The following CACNB2 variants were observed in gnomAD, a reference collection of about 807,000 sequenced individuals.
The protein encoded by CACNB2 is calcium voltage-gated channel auxiliary subunit beta 2.
A neutral mutation model predicts 73.3 loss-of-function variants in CACNB2; 42 were observed. The ratio of observed to expected loss-of-function variants is 0.57; its 90% confidence interval spans 0.45 to 0.74. The LOEUF (loss-of-function observed/expected upper bound fraction) is 0.74. Among genes scored for constraint, CACNB2 ranks in the 30% least tolerant of loss-of-function variants. The probability of loss-of-function intolerance (pLI) is 0.00; values close to 1 mark genes in which losing one functional copy is unlikely to be tolerated. For synonymous variants in CACNB2, 348 were observed against 310.3 expected, an observed-to-expected ratio of 1.12 and a Z score of -1.28; for missense variants, 940 against 853.0, an observed-to-expected ratio of 1.10 and a Z score of -1.27.
intron 10 of CACNB2, among the ~76,000 whole-genome samples, chr10:18,532,676 CAAAAAA>C: frequency 2.2e-5 from 2 of 92,578 alleles, no homozygotes; most frequent in South Asian, 3.4e-4. Flanking sequence ...GACTCTGTCT[CAAAAAA>C]AAAAAAAAAA....
chr10:18,310,906 G>C (rs1260348441), intron 2 of CACNB2, among the ~76,000 whole-genome samples: 2 of 151,660 alleles, frequency 1.3e-5, no homozygotes, highest in Non-Finnish European at 2.9e-5. Context: ...TTTCTGTTTT[G>C]GTTTACAAAC....
At chr10:18,193,266 C>G (rs1358529193) in intron 2 of CACNB2, among the ~76,000 whole-genome samples, 1 of 52,560 alleles carries the variant, frequency 1.9e-5, no homozygotes, top group Admixed American at 2.5e-4. Flanking sequence ...GAGAAAGTGT[C>G]AAGCTTTTTT....
intron 9 of CACNB2, among the ~76,000 whole-genome samples, chr10:18,520,412 A>G (rs1021605649): frequency 6.6e-6 from 1 of 152,034 alleles, no homozygotes; most frequent in Non-Finnish European, 1.5e-5. Context: ...CTCTGCCACC[A>G]TTTTGGTCTG....
chr10:18,175,028 A>G (rs1173857890), intron 2 of CACNB2, among the ~76,000 whole-genome samples: 1 of 152,198 alleles, frequency 6.6e-6, no homozygotes, highest in Non-Finnish European at 1.5e-5. Context: ...CTGTTCTGTT[A>G]GCCACTTTCA....
At chr10:18,245,724 C>A (rs186219658) in intron 2 of CACNB2, among the ~76,000 whole-genome samples, 1 of 152,048 alleles carries the variant, frequency 6.6e-6, no homozygotes, top group Admixed American at 6.6e-5. Context: ...CACCAAGACA[C>A]GAGAAGGTCA....
rs1460644499 is a variant in CACNB2 at position 18,220,239 on chromosome 10, A to G, written c.213+69264A>G. Reference sequence around the variant, plus strand: ...TATATATATATATATATATAGAGAGAGAGAGAGAGAGAGAGAGAGAGAGAG... The same window carrying G: ...TATATATATATATATATATAGAGAGGGAGAGAGAGAGAGAGAGAGAGAGAG... On this transcript the variant is annotated intron_variant, in intron 2 of 13. Coordinates refer to ENST00000324631, the MANE Select transcript of CACNB2 (RefSeq NM_201596.3). Among the ~76,000 whole-genome samples the G allele has an allele frequency of 7.8e-3, 543 of 69,420 alleles. 26 individuals carry two copies. The highest frequency in any genetic ancestry group is 0.032 in the African/African-American group (365 of 11,250). The allele number at this position is 69,420 out of a possible 152,430, so 45.5% of individuals were successfully genotyped here.
chr10:18,489,061 C>G (rs1250821916), intron 3 of CACNB2, among the ~76,000 whole-genome samples: 1 of 151,936 alleles, frequency 6.6e-6, no homozygotes, highest in East Asian at 1.9e-4. Flanking sequence ...CACTTATAAT[C>G]CCAGCACTTT....
intron 3 of CACNB2, among the ~76,000 whole-genome samples, chr10:18,472,177 G>A (rs1162377346): frequency 2.0e-5 from 3 of 148,080 alleles, no homozygotes; most frequent in East Asian, 4.0e-4. Context: ...AAGCATTCTC[G>A]AATAAGGAGT....
intron 2 of CACNB2, among the ~76,000 whole-genome samples, chr10:18,309,058 G>A (rs560248050): frequency 5.9e-5 from 9 of 151,684 alleles, no homozygotes; most frequent in East Asian, 1.9e-4. Flanking sequence ...TCCCCTCGTC[G>A]TTACCAATTT....
chr10:18,389,632 T>C (rs2043377196), intron 2 of CACNB2, among the ~76,000 whole-genome samples: 1 of 152,236 alleles, frequency 6.6e-6, no homozygotes, highest in African/African-American at 2.4e-5. Flanking sequence ...TAAAATTTTC[T>C]TAAACTAGTT....
chr10:18,222,059 A>C (rs1261851013), intron 2 of CACNB2, among the ~76,000 whole-genome samples: 2 of 152,210 alleles, frequency 1.3e-5, no homozygotes, highest in Non-Finnish European at 2.9e-5. Context: ...GTAGTTGCTA[A>C]CGTTACAAGG....
rs58345605 is a variant in CACNB2, at chr10:18,172,924, C to CTTTTTTTTTTTT, written c.213+21953_213+21964dup. 1.8e-3 allele frequency among the ~76,000 whole-genome samples: 206 copies of CTTTTTTTTTTTT among 117,436 alleles called. 7 individuals are homozygous for CTTTTTTTTTTTT. The highest frequency in any genetic ancestry group is 5.2e-3 in the Middle Eastern group (1 of 194). The allele number at this position is 117,436 out of a possible 152,430, so 77.0% of individuals were successfully genotyped here. On this transcript the variant is annotated intron_variant, in intron 2 of 13. Coordinates refer to ENST00000324631, the MANE Select transcript of CACNB2 (RefSeq NM_201596.3). Reference sequence around the variant, plus strand: ...CTTCAAATAGGGAAAATAATAAGGCCTTTTTTTTTTTTTTTAAATGGAGTT... The same window carrying CTTTTTTTTTTTT: ...CTTCAAATAGGGAAAATAATAAGGCCTTTTTTTTTTTTTTTTTTTTTTTTTTTAAATGGAGTT...
chr10:18,492,206 A>G (rs112117221), intron 3 of CACNB2, among the ~76,000 whole-genome samples: 4,664 of 152,296 alleles, frequency 0.031, 157 homozygotes, highest in South Asian at 0.15. Context: ...ATCTACCCCT[A>G]TGATCCAATC....
rs181669987 is a variant in CACNB2 at position 18,223,859 on chromosome 10, C to T, written c.213+72884C>T. Among the ~76,000 whole-genome samples the T allele has an allele frequency of 2.3e-3, 354 of 152,094 alleles. 1 individual carries two copies. Among genetic ancestry groups the T allele is most frequent in the Non-Finnish European group, 4.1e-3 (278 of 67,980 alleles). ...TTTCCCTTTGTGTTGCTTTTCCCCCCAATAAAACAGAAACTGCTAGGCTCT... is the reference window on the plus strand; with the variant it reads ...TTTCCCTTTGTGTTGCTTTTCCCCCTAATAAAACAGAAACTGCTAGGCTCT... On this transcript the variant is annotated intron_variant, in intron 2 of 13. Transcript: ENST00000324631.
intron 2 of CACNB2, among the ~76,000 whole-genome samples, chr10:18,371,058 T>C (rs1356975703): frequency 6.6e-6 from 1 of 152,208 alleles, no homozygotes; most frequent in Non-Finnish European, 1.5e-5. Context: ...TCAGAAAGGT[T>C]ATACTAAATT....
At chr10:18,386,962 G>A (rs1242705683) in intron 2 of CACNB2, among the ~76,000 whole-genome samples, 1 of 152,196 alleles carries the variant, frequency 6.6e-6, no homozygotes, top group East Asian at 1.9e-4. Context: ...AATTAAGGCA[G>A]TAACAGTATT....
At chr10:18,169,489 G>A (rs983972472) in intron 2 of CACNB2, among the ~76,000 whole-genome samples, 1 of 152,152 alleles carries the variant, frequency 6.6e-6, no homozygotes, top group African/African-American at 2.4e-5. Context: ...AAAATAAAAT[G>A]TAGAAAATTA....
intron 2 of CACNB2, among the ~76,000 whole-genome samples, chr10:18,382,816 T>C (rs532870327): frequency 3.3e-5 from 5 of 152,346 alleles, no homozygotes; most frequent in Admixed American, 1.3e-4. Context: ...TGATTCCATG[T>C]CTCTCCTATT....
chr10:18,383,565 G>A (rs934860077), intron 2 of CACNB2, among the ~76,000 whole-genome samples: 3 of 152,158 alleles, frequency 2.0e-5, no homozygotes, highest in African/African-American at 7.2e-5. Flanking sequence ...AGTGACAGAG[G>A]CAACACAAAT....
Sources: allele counts gnomAD v4.1 joint callset (sites outside exome capture counted in the v4.1 genomes callset), GRCh38; gene constraint gnomAD v4.1.1; transcripts MANE v1.5; gene names NCBI Gene and HGNC (gene_info 2026-07-23, HGNC 2026-07-21).